TOPBP1: variants seen among roughly 807,000 people sequenced by gnomAD.
The protein encoded by TOPBP1 is DNA topoisomerase II binding protein 1, also known as DNA topoisomerase 2-binding protein 1.
In TOPBP1, 28 loss-of-function variants were observed where a neutral mutation model predicts 167.7. The ratio of observed to expected loss-of-function variants is 0.17; its 90% CI spans 0.12 to 0.23. The LOEUF (loss-of-function observed/expected upper bound fraction) is 0.23. TOPBP1 is among the 10% of genes least tolerant of loss of function. The pLI is 1.00. For synonymous variants in TOPBP1, 598 were observed against 611.4 expected (o/e 0.98, Z 0.32); for missense variants, 1,554 against 1,809.6 (o/e 0.86, Z 2.56).
intron 21 of TOPBP1, 51 bp from the exon 22 acceptor site, chr3:133,617,377 A>G (rs1934932700): frequency 2.0e-6 from 3 of 1,481,560 alleles, no homozygotes; most frequent in Non-Finnish European, 1.8e-6. Context: ...AAGACTAAAA[A>G]CAAATTCTAG....
At chr3:133,606,030 G>T (rs1420058762) in intron 27 of TOPBP1, among the ~76,000 whole-genome samples, 1 of 150,730 alleles carries the variant, frequency 6.6e-6, no homozygotes, top group East Asian at 1.9e-4. Context: ...CCTTCCCCTT[G>T]CCAAAAAAAA....
At chr3:133,610,872 G>C in intron 25 of TOPBP1, 132 bp downstream of exon 25, 1 of 936,210 alleles carries the variant, frequency 1.1e-6, no homozygotes, top group South Asian at 2.2e-5. Context: ...TTTTAAAAGA[G>C]CCATCAAAAA....
At chr3:133,627,619 T>A (rs919615739) in intron 16 of TOPBP1, among the ~76,000 whole-genome samples, 2 of 152,188 alleles carry the variant, frequency 1.3e-5, no homozygotes, top group African/African-American at 4.8e-5. Flanking sequence ...AAGGGGAAGA[T>A]GAAACTAATC....
At chr3:133,619,557 G>A (rs541263277) in intron 20 of TOPBP1, among the ~76,000 whole-genome samples, 18 of 152,052 alleles carry the variant, frequency 1.2e-4, no homozygotes, top group African/African-American at 4.3e-4. Flanking sequence ...ATTTTACAAG[G>A]AGAATACAAA....
chr3:133,642,805 G>A (rs1469393365), intron 12 of TOPBP1, among the ~76,000 whole-genome samples: 1 of 152,154 alleles, frequency 6.6e-6, no homozygotes, highest in Non-Finnish European at 1.5e-5. Flanking sequence ...TTACCCTGAT[G>A]CAAACTGCAC....
intron 12 of TOPBP1, 140 bp from the exon 13 acceptor site, chr3:133,640,310 T>C (rs573220398): frequency 6.1e-5 from 44 of 723,974 alleles, no homozygotes; most frequent in Admixed American, 2.5e-4. Context: ...GTTTACTCTA[T>C]CTGAAATTAA....
At chr3:133,618,149 G>A (rs772536682) in intron 21 of TOPBP1, 64 bp downstream of exon 21, 20 of 1,371,966 alleles carry the variant, frequency 1.5e-5, no homozygotes, top group Middle Eastern at 3.6e-4. Flanking sequence ...ATGCTCATCT[G>A]TTTATTTTTA....
Position 133,600,476 on chromosome 3 carries a change from C to G in TOPBP1, c.*774G>C, listed in dbSNP as rs906971604. On this transcript the variant is annotated 3_prime_UTR_variant, in exon 28 of 28. Transcript: ENST00000260810. ...CTGGTCTCAAACTCCCGACCTCAGA[C>G]GATCCGCCTGCCTCAGCCTCCCAAA... 6.6e-6 allele frequency: 1 copy of G among 152,044 alleles called. No homozygotes were observed. The highest frequency in any genetic ancestry group is 1.5e-5 in the Non-Finnish European group (1 of 68,038). 9.4% of individuals were successfully genotyped at this position (152,044 alleles called of 1,614,324 possible). A position where few individuals can be genotyped will look rare whatever the true frequency, so the allele number is the denominator to read the frequency against.
At chr3:133,644,523 C>T (rs894570655) in intron 10 of TOPBP1, among the ~76,000 whole-genome samples, 160 bp from the exon 11 acceptor site, 8 of 152,188 alleles carry the variant, frequency 5.3e-5, no homozygotes, top group Admixed American at 3.9e-4. Context: ...ACCCCGTCTT[C>T]GGGGTTACCA....
rs775722529 is a variant in TOPBP1, at chr3:133,652,499, T to A, written c.1053A>T (p.Ala351=). ...CTAATAAATCTTCAGGTGCTTGAAA[T>A]GCACTGACATCCAGATTTTCTAGAT... is the stretch of plus-strand genomic sequence containing the variant. ...LENLENLDVS[A]FQAPEDLLDG... Residue 351 remains alanine, a synonymous_variant, in exon 8 of 28, where the codon GCA becomes GCT. Coordinates refer to ENST00000260810, the MANE Select transcript of TOPBP1 (RefSeq NM_007027.4). The A allele has an allele frequency of 2.5e-6, 4 of 1,611,844 alleles. No individual in the cohort carries two copies. In the Admixed American group the frequency reaches 6.7e-5, roughly 27 times the overall value.
At chr3:133,641,262 T>G (rs1935882154) in intron 12 of TOPBP1, among the ~76,000 whole-genome samples, 1 of 152,204 alleles carries the variant, frequency 6.6e-6, no homozygotes, top group South Asian at 2.1e-4. Context: ...GTATCGTAAA[T>G]TCCTTTTTAC....
At chr3:133,657,764 T>C in intron 4 of TOPBP1, 34 bp downstream of exon 4, 1 of 1,460,888 alleles carries the variant, frequency 6.8e-7, no homozygotes. Context: ...GATAGATATA[T>C]AAATTGATCA....
rs1036821218 is a variant in TOPBP1 at position 133,638,148 on chromosome 3, T to G, written c.2248A>C (p.Thr750Pro). 4.3e-6 allele frequency: 7 copies of G among 1,613,034 alleles called. No individual in the cohort carries two copies. Among genetic ancestry groups the G allele is most frequent in the Non-Finnish European group, 5.9e-6 (7 of 1,179,228 alleles). ...NSTKEERSLE[T>P]EITNGINLNS... ...AGATTGATTCCATTTGTTATTTCTGTTTCCAAACTTCGTTCTAGAGATTTA... is the reference window on the plus strand; with the variant it reads ...AGATTGATTCCATTTGTTATTTCTGGTTCCAAACTTCGTTCTAGAGATTTA... The change falls in exon 14 of 28, where the codon ACA (threonine) becomes CCA (proline). Residue 750 changes from threonine (T) to proline (P), a missense_variant. Transcript: ENST00000260810.
intron 25 of TOPBP1, 143 bp downstream of exon 25, chr3:133,610,861 T>A: frequency 3.4e-6 from 3 of 870,676 alleles, no homozygotes; most frequent in Non-Finnish European, 5.1e-6. Flanking sequence ...ATATAAATTA[T>A]TTTTAAAAGA....
intron 16 of TOPBP1, 129 bp downstream of exon 16, chr3:133,628,233 C>T (rs1319179701): frequency 2.4e-6 from 2 of 822,316 alleles, no homozygotes; most frequent in Non-Finnish European, 3.8e-6. Context: ...TAAAAATCAA[C>T]TGGAGAGATT....
At chr3:133,628,001 A>G (rs1935323156) in intron 16 of TOPBP1, 1 of 172,356 alleles carries the variant, frequency 5.8e-6, no homozygotes, top group Admixed American at 5.7e-5. Context: ...AATAAACTTA[A>G]TCTCAGATCC....
chr3:133,636,881 A>AT (rs1935696181), intron 14 of TOPBP1, among the ~76,000 whole-genome samples: 5 of 152,178 alleles, frequency 3.3e-5, no homozygotes, highest in African/African-American at 1.2e-4. Flanking sequence ...CCTGAGTATT[A>AT]ATCACAGTAC....
rs1258110639 is a variant in TOPBP1 at position 133,600,850 on chromosome 3, C to T, written c.*400G>A. On this transcript the variant is annotated 3_prime_UTR_variant, in exon 28 of 28. Coordinates refer to ENST00000260810, the MANE Select transcript of TOPBP1 (RefSeq NM_007027.4). ...GTGAGAAGATAAAAATCAGGGAAAA[C>T]ATGAATAAATGCTGACTGACAAATC... is the stretch of plus-strand genomic sequence containing the variant. 1 of 163,862 alleles carries T rather than the reference C, an allele frequency of 6.1e-6. No homozygotes were observed. The highest frequency in any genetic ancestry group is 1.3e-5 in the Non-Finnish European group (1 of 76,270). The allele number at this position is 163,862 out of a possible 1,614,324, so 10.2% of individuals were successfully genotyped here.
At chr3:133,617,094 C>T in intron 22 of TOPBP1, 66 bp downstream of exon 22, 1 of 1,515,076 alleles carries the variant, frequency 6.6e-7, no homozygotes, top group African/African-American at 1.4e-5. Context: ...TTGACATCAA[C>T]AAATTTCTAA....
Sources: allele counts gnomAD v4.1 joint callset (sites outside exome capture counted in the v4.1 genomes callset), GRCh38; gene constraint gnomAD v4.1.1; transcripts MANE v1.5; gene names NCBI Gene and HGNC (gene_info 2026-07-23, HGNC 2026-07-21).